Variants in FMN2 observed in about 807,000 individuals in gnomAD.
FMN2 encodes formin-2.
Under a neutral mutation model 142.3 loss-of-function variants are expected in FMN2, and 51 were observed. The ratio of observed to expected loss-of-function variants is 0.36; its 90% CI spans 0.29 to 0.45. FMN2 has a LOEUF of 0.45. Ranked by LOEUF, FMN2 falls within the 20% of genes least tolerant of loss-of-function variation. The probability of loss-of-function intolerance (pLI) is 1.00; values close to 1 mark genes in which losing one functional copy is unlikely to be tolerated. For synonymous variants in FMN2, 882 were observed against 869.8 expected (o/e 1.01, Z -0.25); for missense variants, 1,936 against 2,122.8 (o/e 0.91, Z 1.73).
At chr1:240,305,321 C>T (rs1223462379) in intron 8 of FMN2, among the ~76,000 whole-genome samples, 1 of 152,134 alleles carries the variant, frequency 6.6e-6, no homozygotes, top group South Asian at 2.1e-4. Flanking sequence ...CTCTGTAATA[C>T]AAGATATATT....
chr1:240,284,871 A>G (rs1669532056), intron 7 of FMN2, among the ~76,000 whole-genome samples: 1 of 152,106 alleles, frequency 6.6e-6, no homozygotes, highest in Admixed American at 6.6e-5. Flanking sequence ...TCTGGCAGGC[A>G]TATGGTCAGA....
intron 4 of FMN2, among the ~76,000 whole-genome samples, chr1:240,197,584 C>T (rs1433568976): frequency 6.6e-6 from 1 of 152,170 alleles, no homozygotes; most frequent in African/African-American, 2.4e-5. Flanking sequence ...TTAGAGGACA[C>T]TCATCTGGTG....
intron 14 of FMN2, among the ~76,000 whole-genome samples, chr1:240,392,165 T>C (rs1416478787): frequency 6.6e-6 from 1 of 151,968 alleles, no homozygotes; most frequent in Non-Finnish European, 1.5e-5. Context: ...TTATTTCCAC[T>C]AATTGTTGGC....
chr1:240,143,515 T>G, intron 2 of FMN2: 1 of 1,584,336 alleles, frequency 6.3e-7, no homozygotes, highest in Non-Finnish European at 8.7e-7. Flanking sequence ...CTCCTTCTCT[T>G]TGGAGTCAAA....
chr1:240,156,044 C>T (rs912611210), intron 2 of FMN2, among the ~76,000 whole-genome samples: 3 of 151,952 alleles, frequency 2.0e-5, no homozygotes, highest in African/African-American at 7.3e-5. Context: ...TTTGAAACCA[C>T]CTGAGGCAAC....
At chr1:240,314,239 AGGG>A (rs1051444716) in intron 8 of FMN2, among the ~76,000 whole-genome samples, 1 of 152,280 alleles carries the variant, frequency 6.6e-6, no homozygotes, top group African/African-American at 2.4e-5. Context: ...ACCTTAAAAA[AGGG>A]GGAGTAGATC....
intron 13 of FMN2, among the ~76,000 whole-genome samples, chr1:240,339,713 G>A (rs979309881): frequency 6.6e-6 from 1 of 151,690 alleles, no homozygotes; most frequent in Non-Finnish European, 1.5e-5. Flanking sequence ...GTTCTATCTG[G>A]TAGGTAGGTG....
At chr1:240,393,346 C>T (rs931257471) in intron 15 of FMN2, among the ~76,000 whole-genome samples, 43 of 152,106 alleles carry the variant, frequency 2.8e-4, no homozygotes, top group Middle Eastern at 3.2e-3. Context: ...GATCTGTGAT[C>T]AGTGATCTTT....
At chr1:240,151,579 T>C (rs1446347835) in intron 2 of FMN2, among the ~76,000 whole-genome samples, 2 of 152,062 alleles carry the variant, frequency 1.3e-5, no homozygotes, top group East Asian at 1.9e-4. Context: ...TCTTAGAAAA[T>C]TGTGAATGCA....
chr1:240,408,740 T>G (rs975024375), intron 15 of FMN2, among the ~76,000 whole-genome samples: 10 of 152,180 alleles, frequency 6.6e-5, no homozygotes, highest in African/African-American at 2.4e-4. Context: ...TGCTGATTGA[T>G]TCATAGTTTA....
chr1:240,233,253 C>A (rs1387583134), intron 6 of FMN2, among the ~76,000 whole-genome samples: 3 of 151,926 alleles, frequency 2.0e-5, no homozygotes, highest in Non-Finnish European at 4.4e-5. Flanking sequence ...TGGTGGCGGG[C>A]ACCTGTAATC....
Position 240,193,604 on chromosome 1 carries a change from G to C in FMN2, c.1986+5342G>C, listed in dbSNP as rs145698470. Among the ~76,000 whole-genome samples the C allele has an allele frequency of 5.3e-3, 803 of 152,326 alleles. 8 individuals are homozygous for C. The highest frequency in any genetic ancestry group is 6.3e-3 in the Non-Finnish European group (428 of 68,034). ...ACATGGCACTGGGTGTGGGGCCAGGGAGAAGCGCAATAGTCCAGGTGACCT... is the reference window on the plus strand; with the variant it reads ...ACATGGCACTGGGTGTGGGGCCAGGCAGAAGCGCAATAGTCCAGGTGACCT... On this transcript the variant is annotated intron_variant, in intron 4 of 17. Coordinates refer to ENST00000319653, the MANE Select transcript of FMN2 (RefSeq NM_020066.5).
chr1:240,283,779 G>A (rs2102942292), intron 7 of FMN2, among the ~76,000 whole-genome samples: 1 of 152,238 alleles, frequency 6.6e-6, no homozygotes, highest in Non-Finnish European at 1.5e-5. Flanking sequence ...TTTATGGAGT[G>A]TTTTGGAGAT....
At chr1:240,410,189 C>T (rs1400760410) in intron 15 of FMN2, among the ~76,000 whole-genome samples, 1 of 151,686 alleles carries the variant, frequency 6.6e-6, no homozygotes, top group Non-Finnish European at 1.5e-5. Flanking sequence ...AGGTTTATAG[C>T]TAGTGGATAT....
At chr1:240,180,130 GA>G (rs1249453252) in intron 3 of FMN2, 2 of 1,245,688 alleles carry the variant, frequency 1.6e-6, no homozygotes, top group Non-Finnish European at 2.1e-6. Flanking sequence ...GATTTTTAAT[GA>G]AATAACTTGT....
chr1:240,254,522 G>A lies in FMN2; in HGVS notation c.4066-3423G>A, dbSNP rs151233506. On this transcript the variant is annotated intron_variant, in intron 6 of 17. Coordinates refer to ENST00000319653, the MANE Select transcript of FMN2 (RefSeq NM_020066.5). ...GGTGGTACGTGTGGGTGCTGGCTGT[G>A]GTAAGTAGGATAGGGGTGGACCCCA... Among the ~76,000 whole-genome samples the A allele has an allele frequency of 8.6e-3, 1,315 of 152,188 alleles. 26 individuals are homozygous for A. Among genetic ancestry groups the A allele is most frequent in the African/African-American group, 0.03 (1,249 of 41,540 alleles).
intron 15 of FMN2, among the ~76,000 whole-genome samples, chr1:240,394,847 A>G (rs1673721513): frequency 6.6e-6 from 1 of 152,078 alleles, no homozygotes; most frequent in Admixed American, 6.5e-5. Flanking sequence ...GCATGCCTGT[A>G]ATGCCAGCTA....
intron 6 of FMN2, among the ~76,000 whole-genome samples, chr1:240,231,974 CA>C (rs1651610735): frequency 3.3e-5 from 5 of 152,196 alleles, no homozygotes; most frequent in Admixed American, 3.3e-4. Flanking sequence ...ATGTTTTCTT[CA>C]CTTTTTCAGA....
rs12217145 is a variant in FMN2, at chr1:240,438,445, G to C, written c.5060+235G>C. ...AGGGTGCTGGCTTGCCAGGACCACT[G>C]TCGGGTAAATCAACTTCTATCATGA... On this transcript the variant is annotated intron_variant, in intron 16 of 17. Coordinates refer to ENST00000319653, the MANE Select transcript of FMN2 (RefSeq NM_020066.5). Among the ~76,000 whole-genome samples, 1,000 of 152,288 alleles carry C rather than the reference G, an allele frequency of 6.6e-3. 27 individuals carry two copies. In the South Asian group the frequency reaches 0.082, roughly 12 times the overall value.
Sources: gnomAD v4.1 joint callset for allele counts (sites outside exome capture counted in the v4.1 genomes callset) on GRCh38, gnomAD v4.1.1 for gene constraint, MANE v1.5 for transcripts, NCBI Gene and HGNC (gene_info 2026-07-23, HGNC 2026-07-21) for gene names.